The following HPSE2 variants were observed in gnomAD, a reference collection of about 807,000 sequenced individuals.
HPSE2 encodes heparanase 2 (inactive).
Under a neutral mutation model 60.5 loss-of-function variants are expected in HPSE2, and 38 were observed. The observed-to-expected ratio is 0.63, with a 90% CI of 0.48 to 0.82. The LOEUF (loss-of-function observed/expected upper bound fraction) is 0.82, where lower values mean the gene tolerates loss of function less well. Ranked by LOEUF, HPSE2 falls within the 40% of genes least tolerant of loss-of-function variation. The pLI, the probability that HPSE2 is intolerant of heterozygous loss-of-function variation, is 0.00. For synonymous variants in HPSE2, 295 were observed against 293.2 expected (o/e 1.01, Z -0.06); for missense variants, 713 against 740.4 (o/e 0.96, Z 0.43).
the HPSE2 span, among the ~76,000 whole-genome samples, chr10:99,280,528 A>G: frequency 6.6e-6 from 1 of 152,300 alleles, no homozygotes. Context: ...CTTTCATTAG[A>G]GAAGCTAACA....
At chr10:98,848,681 G>A (rs1022646958) in intron 3 of HPSE2, among the ~76,000 whole-genome samples, 2 of 152,076 alleles carry the variant, frequency 1.3e-5, no homozygotes, top group Admixed American at 6.6e-5. Flanking sequence ...GAGTGAGAGC[G>A]CCCAGGACCT....
chr10:98,633,742 A>G (rs1338896818), intron 7 of HPSE2, among the ~76,000 whole-genome samples: 1 of 152,154 alleles, frequency 6.6e-6, no homozygotes. Flanking sequence ...CAAGGGAGTC[A>G]GCGCCTCTAA....
At chr10:98,729,012 CAAAA>C (rs902986306) in intron 4 of HPSE2, among the ~76,000 whole-genome samples, 15 of 150,740 alleles carry the variant, frequency 1.0e-4, no homozygotes, top group Non-Finnish European at 2.1e-4. Context: ...TTGTATGAAA[CAAAA>C]GAAAAGAAAA....
At chr10:99,180,758 T>C (rs1017505139) in intron 2 of HPSE2, among the ~76,000 whole-genome samples, 2 of 151,526 alleles carry the variant, frequency 1.3e-5, no homozygotes, top group African/African-American at 2.4e-5. Flanking sequence ...GGCGTGGTGA[T>C]AGGCATCTGT....
intron 2 of HPSE2, among the ~76,000 whole-genome samples, chr10:99,156,966 C>G (rs951477163): frequency 3.7e-4 from 50 of 136,092 alleles, no homozygotes; most frequent in African/African-American, 1.2e-3. Flanking sequence ...AACAGACAAA[C>G]AGAGAGGCAA....
chr10:98,580,240 T>G (rs1445806130), intron 9 of HPSE2, among the ~76,000 whole-genome samples: 1 of 152,176 alleles, frequency 6.6e-6, no homozygotes, highest in Non-Finnish European at 1.5e-5. Flanking sequence ...TTTCTTTCAT[T>G]CTGCTTGAAA....
chr10:98,848,284 G>A (rs1047010932), intron 3 of HPSE2, among the ~76,000 whole-genome samples: 1 of 152,136 alleles, frequency 6.6e-6, no homozygotes, highest in Non-Finnish European at 1.5e-5. Flanking sequence ...CAGGCATGGT[G>A]GTATGAGCAT....
the HPSE2 span, among the ~76,000 whole-genome samples, chr10:99,266,470 C>G: frequency 6.6e-6 from 1 of 152,072 alleles, no homozygotes; most frequent in Non-Finnish European, 1.5e-5. Context: ...ACACACCCAT[C>G]CCCCACAGCA....
intron 3 of HPSE2, among the ~76,000 whole-genome samples, chr10:99,038,222 C>T (rs1156586531): frequency 1.3e-5 from 2 of 152,084 alleles, no homozygotes; most frequent in African/African-American, 4.8e-5. Context: ...AACATGCACA[C>T]AATTGCTCAT....
intron 3 of HPSE2, among the ~76,000 whole-genome samples, chr10:98,840,024 A>C (rs970788568): frequency 7.9e-5 from 12 of 152,342 alleles, no homozygotes; most frequent in Middle Eastern, 3.4e-3. Flanking sequence ...TCTTTTTTGC[A>C]AATATGGACA....
At chr10:99,249,548 C>T in the HPSE2 span, among the ~76,000 whole-genome samples, 2 of 152,244 alleles carry the variant, frequency 1.3e-5, no homozygotes, top group East Asian at 3.9e-4. Flanking sequence ...AAGAGACTTG[C>T]CTTGTCTCAG....
At chr10:98,634,145 C>T (rs1946435093) in intron 7 of HPSE2, among the ~76,000 whole-genome samples, 1 of 152,160 alleles carries the variant, frequency 6.6e-6, no homozygotes, top group South Asian at 2.1e-4. Flanking sequence ...GTTTCTTCTG[C>T]AGTGTGAACA....
In HPSE2 at chr10:99,233,105, A is replaced by C. The variant is rs367726530; in HGVS notation, c.291-600T>G. 3.7e-4 allele frequency among the ~76,000 whole-genome samples: 57 copies of C among 152,206 alleles called. 1 individual carries two copies. The South Asian group carries it at 0.012, about 31-fold the overall frequency. On this transcript the variant is annotated intron_variant, in intron 1 of 11. Transcript: ENST00000370552. Reference sequence around the variant, plus strand: ...ATGTCCGAGTTGATTTTCCTTTTTCACTATATTGTAAAAACTGCATTGTTT... The same window carrying C: ...ATGTCCGAGTTGATTTTCCTTTTTCCCTATATTGTAAAAACTGCATTGTTT...
chr10:99,306,859 C>T, the HPSE2 span, among the ~76,000 whole-genome samples: 3 of 152,158 alleles, frequency 2.0e-5, no homozygotes, highest in Admixed American at 6.5e-5. Context: ...TACAGGCATG[C>T]GGCACCATGC....
At chr10:99,020,721 G>C (rs1435303744) in intron 3 of HPSE2, among the ~76,000 whole-genome samples, 1 of 152,150 alleles carries the variant, frequency 6.6e-6, no homozygotes, top group Non-Finnish European at 1.5e-5. Context: ...GACTATGCTA[G>C]TACAAGAAAT....
At chr10:98,999,835 T>C (rs969562952) in intron 3 of HPSE2, among the ~76,000 whole-genome samples, 2 of 152,162 alleles carry the variant, frequency 1.3e-5, no homozygotes, top group Non-Finnish European at 2.9e-5. Context: ...AGCTTAACAG[T>C]GTTGCCTTAT....
chr10:98,589,446 C>G lies in HPSE2; in HGVS notation c.1320+25458G>C, dbSNP rs111266722. 3.3e-5 allele frequency among the ~76,000 whole-genome samples: 5 copies of G among 152,288 alleles called. No homozygotes were observed. In the South Asian group the frequency reaches 8.3e-4, roughly 25 times the overall value. Reference sequence around the variant, plus strand: ...ACAAATAGTGGTCAAGATGATGAGCCCTGGGATGAGACTTCATGCTTCCAA... The same window carrying G: ...ACAAATAGTGGTCAAGATGATGAGCGCTGGGATGAGACTTCATGCTTCCAA... On this transcript the variant is annotated intron_variant, in intron 9 of 11. Coordinates refer to ENST00000370552, the MANE Select transcript of HPSE2 (RefSeq NM_021828.5).
intron 9 of HPSE2, among the ~76,000 whole-genome samples, chr10:98,496,431 A>G (rs549786374): frequency 6.6e-6 from 1 of 152,308 alleles, no homozygotes; most frequent in African/African-American, 2.4e-5. Flanking sequence ...AGAAGCAGTA[A>G]TCAGAGATGA....
At chr10:98,673,878 C>T (rs1947568338) in intron 6 of HPSE2, among the ~76,000 whole-genome samples, 2 of 152,198 alleles carry the variant, frequency 1.3e-5, no homozygotes, top group Admixed American at 1.3e-4. Flanking sequence ...CTAAAGCATA[C>T]TTACCCCATG....
Sources: allele counts gnomAD v4.1 joint callset (sites outside exome capture counted in the v4.1 genomes callset), GRCh38; gene constraint gnomAD v4.1.1; transcripts MANE v1.5; gene names NCBI Gene and HGNC (gene_info 2026-07-23, HGNC 2026-07-21).